Variants in GRM7 observed in about 807,000 individuals in gnomAD.
GRM7 encodes metabotropic glutamate receptor 7.
A neutral mutation model predicts 84.5 loss-of-function variants in GRM7; 35 were observed. That is an observed-to-expected ratio of 0.41 (90% confidence interval 0.32 to 0.55). The LOEUF is 0.55. GRM7 is among the 20% of genes least tolerant of loss of function. The pLI is 0.19. For synonymous variants in GRM7, 487 were observed against 455.1 expected (o/e 1.07, Z -0.89); for missense variants, 1,003 against 1,194.6 (o/e 0.84, Z 2.36).
At chr3:7,693,945 G>A (rs960405965) in intron 9 of GRM7, among the ~76,000 whole-genome samples, 2 of 152,120 alleles carry the variant, frequency 1.3e-5, no homozygotes, top group Non-Finnish European at 2.9e-5. Flanking sequence ...GGTACCAAAT[G>A]ATGAAGAGAT....
At chr3:7,406,270 G>C (rs898582517) in intron 4 of GRM7, among the ~76,000 whole-genome samples, 1 of 152,118 alleles carries the variant, frequency 6.6e-6, no homozygotes, top group Admixed American at 6.6e-5. Context: ...GGAGGCTGAG[G>C]TGGGTGGATC....
At position 7,464,705 on chromosome 3, in the gene GRM7, G is replaced by A. The variant is rs375011584; in HGVS notation, c.1515+2983G>A. Among the ~76,000 whole-genome samples, 135 of 151,998 alleles carry A rather than the reference G, an allele frequency of 8.9e-4. 5 individuals are homozygous for A. The South Asian group carries it at 0.027, about 30-fold the overall frequency. On this transcript the variant is annotated intron_variant, in intron 7 of 9. Coordinates refer to ENST00000357716, the MANE Select transcript of GRM7 (RefSeq NM_000844.4). ...TAGCCGGGCATGGTGGCGGGCGCCT[G>A]TAGTCCCAGCTACTCGGGAGGCTGA...
intron 7 of GRM7, among the ~76,000 whole-genome samples, chr3:7,541,542 C>T (rs896931089): frequency 1.3e-5 from 2 of 152,170 alleles, no homozygotes; most frequent in African/African-American, 2.4e-5. Context: ...TAAGAACTTA[C>T]CCAAAGTGAC....
At chr3:7,320,165 T>C (rs1700724197) in intron 4 of GRM7, among the ~76,000 whole-genome samples, 1 of 152,082 alleles carries the variant, frequency 6.6e-6, no homozygotes, top group South Asian at 2.1e-4. Context: ...TGTGTGTGTG[T>C]TTGTGTGTAT....
chr3:7,566,639 A>T (rs904435691), intron 7 of GRM7, among the ~76,000 whole-genome samples: 2 of 139,614 alleles, frequency 1.4e-5, no homozygotes, highest in African/African-American at 5.7e-5. Flanking sequence ...TCAGAAATGG[A>T]TAATTTGTGA....
At chr3:7,423,761 C>CTA (rs983008100) in intron 5 of GRM7, among the ~76,000 whole-genome samples, 27 of 148,912 alleles carry the variant, frequency 1.8e-4, no homozygotes, top group Non-Finnish European at 3.1e-4. Flanking sequence ...TAAATATCAA[C>CTA]TATATATATA....
intron 7 of GRM7, among the ~76,000 whole-genome samples, chr3:7,473,380 G>A (rs1043887786): frequency 1.3e-5 from 2 of 152,056 alleles, no homozygotes; most frequent in African/African-American, 4.8e-5. Context: ...AGGAGGCTGG[G>A]CAGGAAGATC....
intron 2 of GRM7, among the ~76,000 whole-genome samples, chr3:7,210,981 T>C (rs1261454677): frequency 6.6e-6 from 1 of 152,168 alleles, no homozygotes; most frequent in Non-Finnish European, 1.5e-5. Flanking sequence ...TGCTAAGTCA[T>C]AGGAAGTAAT....
At chr3:7,492,855 G>A (rs1699571756) in intron 7 of GRM7, among the ~76,000 whole-genome samples, 1 of 151,960 alleles carries the variant, frequency 6.6e-6, no homozygotes, top group African/African-American at 2.4e-5. Context: ...GGCTTTAGCT[G>A]CATCCCACAA....
intron 1 of GRM7, among the ~76,000 whole-genome samples, chr3:6,942,431 A>G (rs1417503589): frequency 6.6e-6 from 1 of 152,100 alleles, no homozygotes; most frequent in African/African-American, 2.4e-5. Flanking sequence ...TCTTTTTGTT[A>G]ATTAAGCTTC....
chr3:7,556,607 T>C (rs1281244050), intron 7 of GRM7, among the ~76,000 whole-genome samples: 1 of 152,186 alleles, frequency 6.6e-6, no homozygotes. Flanking sequence ...TGATGAGGAC[T>C]CAACTGGTGA....
In GRM7 at chr3:7,530,172, T is replaced by G. The variant is rs527706352; in HGVS notation, c.1516-48250T>G. On this transcript the variant is annotated intron_variant, in intron 7 of 9. Transcript: ENST00000357716. ...GTGTTCTCATTGTTCAACTCCCAAT[T>G]ATAAGTGAGGACATGCAGTGTTTGG... Among the ~76,000 whole-genome samples the G allele has an allele frequency of 2.1e-5, 3 of 146,098 alleles. No individual in the cohort carries two copies. In the South Asian group the frequency reaches 7.2e-4, roughly 35 times the overall value.
chr3:7,348,358 T>C (rs574712561), intron 4 of GRM7, among the ~76,000 whole-genome samples: 56 of 152,236 alleles, frequency 3.7e-4, no homozygotes, highest in African/African-American at 1.3e-3. Context: ...TCTCATTTAC[T>C]CCTTTTCCCA....
At chr3:7,591,323 A>G (rs868537688) in intron 8 of GRM7, 4 of 207,206 alleles carry the variant, frequency 1.9e-5, no homozygotes, top group Middle Eastern at 1.5e-3. Flanking sequence ...GTCCAATCTC[A>G]TATATAATTT....
chr3:7,171,882 C>T (rs1379853913), intron 2 of GRM7, among the ~76,000 whole-genome samples: 4 of 152,314 alleles, frequency 2.6e-5, no homozygotes, highest in African/African-American at 9.6e-5. Context: ...CAGTTTAAAG[C>T]ATTCTCTCTA....
At chr3:6,962,809 C>G (rs1489769808) in intron 1 of GRM7, among the ~76,000 whole-genome samples, 2 of 152,106 alleles carry the variant, frequency 1.3e-5, no homozygotes, top group Non-Finnish European at 2.9e-5. Context: ...CAGGTTTCAT[C>G]AAGAAGACTA....
At chr3:7,714,055 G>C (rs751591578) in intron 9 of GRM7, among the ~76,000 whole-genome samples, 8 of 151,946 alleles carry the variant, frequency 5.3e-5, no homozygotes, top group Admixed American at 2.0e-4. Flanking sequence ...TTCTGTTTTT[G>C]TTTTTGAGTT....
At chr3:7,703,433 C>T (rs1021721867) in intron 9 of GRM7, among the ~76,000 whole-genome samples, 11 of 123,498 alleles carry the variant, frequency 8.9e-5, no homozygotes, top group African/African-American at 3.8e-4. Flanking sequence ...AAAGATTTCA[C>T]ATTAAGACTT....
At chr3:7,584,119 C>T (rs1006270341) in intron 8 of GRM7, among the ~76,000 whole-genome samples, 14 of 152,078 alleles carry the variant, frequency 9.2e-5, no homozygotes, top group Non-Finnish European at 1.5e-5. Flanking sequence ...TTATATTACT[C>T]GTTAAAAAGT....
Sources: gnomAD v4.1 joint callset for allele counts (sites outside exome capture counted in the v4.1 genomes callset) on GRCh38, gnomAD v4.1.1 for gene constraint, MANE v1.5 for transcripts, NCBI Gene and HGNC (gene_info 2026-07-23, HGNC 2026-07-21) for gene names.